The following MTF2 variants were observed in gnomAD, a reference collection of about 807,000 sequenced individuals.
MTF2 encodes metal response element binding transcription factor 2, also known as metal-response element-binding transcription factor 2.
Under a neutral mutation model 79.5 loss-of-function variants are expected in MTF2, and 11 were observed. The ratio of observed to expected loss-of-function variants is 0.14; its 90% CI spans 0.09 to 0.23. The LOEUF is 0.23. Ranked by LOEUF, MTF2 falls within the 10% of genes least tolerant of loss-of-function variation. The probability of loss-of-function intolerance (pLI) is 1.00; values close to 1 mark genes in which losing one functional copy is unlikely to be tolerated. For missense variants in MTF2, 486 were observed against 711.2 expected (o/e 0.68, Z 3.60); for synonymous variants, 208 against 232.8 (o/e 0.89, Z 0.97).
At chr1:93,099,047 C>T (rs1354854953) in intron 1 of MTF2, among the ~76,000 whole-genome samples, 4 of 152,074 alleles carry the variant, frequency 2.6e-5, no homozygotes, top group Non-Finnish European at 5.9e-5. Flanking sequence ...GTTGTCCAGC[C>T]GCTCAGGTAA....
chr1:93,080,780 T>G (rs1044989996), intron 1 of MTF2, among the ~76,000 whole-genome samples: 19 of 146,642 alleles, frequency 1.3e-4, no homozygotes, highest in Non-Finnish European at 2.3e-4. Context: ...TTTTTTTTTT[T>G]GTCAGTAAAT....
chr1:93,102,597 A>G (rs1317580213), intron 1 of MTF2, among the ~76,000 whole-genome samples: 1 of 151,982 alleles, frequency 6.6e-6, no homozygotes, highest in African/African-American at 2.4e-5. Context: ...GTCTCAAAAA[A>G]AAAATTGTTA....
At chr1:93,121,430 T>C in intron 9 of MTF2, 4 of 906,502 alleles carry the variant, frequency 4.4e-6, no homozygotes, top group South Asian at 1.0e-4. Flanking sequence ...TAATATGGAA[T>C]TTGATATGTA....
chr1:93,097,401 C>T (rs1368037878), intron 1 of MTF2, among the ~76,000 whole-genome samples: 1 of 152,084 alleles, frequency 6.6e-6, no homozygotes, highest in Admixed American at 6.5e-5. Context: ...TGAATTTCTC[C>T]TTTGCTCTCA....
At chr1:93,127,909 G>A (rs960702044) in intron 10 of MTF2, among the ~76,000 whole-genome samples, 3 of 151,360 alleles carry the variant, frequency 2.0e-5, no homozygotes, top group Non-Finnish European at 4.4e-5. Flanking sequence ...ATTTTTAAAT[G>A]CAACAAATTT....
chr1:93,126,653 G>A (rs991710196), intron 9 of MTF2, among the ~76,000 whole-genome samples: 1 of 151,938 alleles, frequency 6.6e-6, no homozygotes, highest in African/African-American at 2.4e-5. Context: ...TTTTAAAACA[G>A]TTTGTTATGA....
At chr1:93,114,953 A>T in intron 4 of MTF2, 35 bp from the exon 5 acceptor site, 1 of 1,477,676 alleles carries the variant, frequency 6.8e-7, no homozygotes, top group Non-Finnish European at 9.4e-7. Context: ...GTATTAATGA[A>T]ACCGAATTTG....
chr1:93,121,035 A>G (rs539347725), intron 9 of MTF2: 6 of 1,027,360 alleles, frequency 5.8e-6, no homozygotes, highest in African/African-American at 5.2e-5. Flanking sequence ...ACTTAGAGAT[A>G]TAACCAACAT....
At chr1:93,109,043 G>A (rs1417186429) in intron 1 of MTF2, among the ~76,000 whole-genome samples, 1 of 152,000 alleles carries the variant, frequency 6.6e-6, no homozygotes, top group Non-Finnish European at 1.5e-5. Flanking sequence ...CTAATACTTA[G>A]GAACTTTTTG....
At chr1:93,097,980 A>G (rs1004242961) in intron 1 of MTF2, among the ~76,000 whole-genome samples, 1 of 152,136 alleles carries the variant, frequency 6.6e-6, no homozygotes, top group African/African-American at 2.4e-5. Context: ...TTATTCAGCC[A>G]GTATTGAGAA....
intron 1 of MTF2, among the ~76,000 whole-genome samples, chr1:93,104,511 T>C (rs1655677251): frequency 6.6e-6 from 1 of 150,840 alleles, no homozygotes. Flanking sequence ...AAACCTTGTC[T>C]CTACTAAAAA....
Position 93,137,647 on chromosome 1 carries a change from T to A in MTF2, c.*620T>A, listed in dbSNP as rs1384429267. 1 of 152,198 alleles carries A rather than the reference T, an allele frequency of 6.6e-6. No individual in the cohort carries two copies. Among genetic ancestry groups the A allele is most frequent in the Non-Finnish European group, 1.5e-5 (1 of 68,036 alleles). The allele number at this position is 152,198 out of a possible 1,614,324, so 9.4% of individuals were successfully genotyped here. A position where few individuals can be genotyped will look rare whatever the true frequency, so the allele number is the denominator to read the frequency against. ...CACACGTGTATATATATGTGTGTGA[T>A]TATGTGACCTATGCAATACAAATTA... On this transcript the variant is annotated 3_prime_UTR_variant, in exon 15 of 15. Transcript: ENST00000370298.
chr1:93,088,630 A>C (rs1654947122), intron 1 of MTF2, among the ~76,000 whole-genome samples: 1 of 152,138 alleles, frequency 6.6e-6, no homozygotes, highest in African/African-American at 2.4e-5. Context: ...CAGTGGTGCG[A>C]TCTCGGCTCA....
At chr1:93,111,483 A>G (rs1187191390) in intron 3 of MTF2, among the ~76,000 whole-genome samples, 2 of 152,172 alleles carry the variant, frequency 1.3e-5, no homozygotes, top group Non-Finnish European at 2.9e-5. Context: ...ATTTTATGGT[A>G]GGTTTCTGCC....
chr1:93,080,536 T>C (rs1051740388), intron 1 of MTF2, among the ~76,000 whole-genome samples: 1 of 152,236 alleles, frequency 6.6e-6, no homozygotes, highest in Non-Finnish European at 1.5e-5. Context: ...TAACACTAAC[T>C]TAAATGTGAA....
intron 10 of MTF2, among the ~76,000 whole-genome samples, chr1:93,128,072 C>T (rs1273437648): frequency 6.6e-6 from 1 of 152,052 alleles, no homozygotes; most frequent in East Asian, 1.9e-4. Context: ...CATGAGGTAC[C>T]TGATATGACC....
chr1:93,120,793 A>G lies in MTF2; in HGVS notation c.921+121A>G, dbSNP rs1358174469. On this transcript the variant is annotated intron_variant, in intron 9 of 14. Transcript: ENST00000370298. ...ACAACTAAAATAGAATTTTATTTTT[A>G]GTTCTGGGGACAAATAAGTTTGGTA... The G allele has an allele frequency of 5.4e-6, 8 of 1,471,636 alleles. No individual in the cohort carries two copies. In the African/African-American group the frequency reaches 1.0e-4, roughly 19 times the overall value. The allele number at this position is 1,471,636 out of a possible 1,614,324, so 91.2% of individuals were successfully genotyped here. A position where few individuals can be genotyped will look rare whatever the true frequency, so the allele number is the denominator to read the frequency against.
intron 9 of MTF2, chr1:93,121,743 C>T (rs1571245467): frequency 1.1e-5 from 10 of 903,130 alleles, no homozygotes; most frequent in Non-Finnish European, 1.3e-5. Context: ...CTGTTAAATA[C>T]TTTTTTTTTA....
chr1:93,129,109 A>G, intron 10 of MTF2, 169 bp from the exon 11 acceptor site: 1 of 432,650 alleles, frequency 2.3e-6, no homozygotes. Context: ...ATCCTACTGT[A>G]GACTGGCTCT....
Sources: allele counts gnomAD v4.1 joint callset (sites outside exome capture counted in the v4.1 genomes callset), GRCh38; gene constraint gnomAD v4.1.1; transcripts MANE v1.5; gene names NCBI Gene and HGNC (gene_info 2026-07-23, HGNC 2026-07-21).